The following OCA2 variants were observed in gnomAD, a reference collection of about 807,000 sequenced individuals.
OCA2 encodes the protein P protein.
OCA2 carries 77 observed loss-of-function variants against 100.2 expected under a neutral mutation model. The observed-to-expected ratio is 0.77, with a 90% confidence interval of 0.64 to 0.93. The LOEUF is 0.93. Among genes scored for constraint, OCA2 ranks in the 40% least tolerant of loss-of-function variants. The pLI is 0.00. For missense variants in OCA2, 1,062 were observed against 1,089.1 expected (o/e 0.98, Z 0.35); for synonymous variants, 432 against 439.2 (o/e 0.98, Z 0.21).
chr15:27,931,319 A>G (rs773657470), intron 18 of OCA2, among the ~76,000 whole-genome samples: 2 of 151,800 alleles, frequency 1.3e-5, no homozygotes, highest in African/African-American at 4.8e-5. Context: ...TATTTTATCT[A>G]TTTATTTATT....
chr15:27,816,936 A>C (rs1399837687), intron 23 of OCA2, among the ~76,000 whole-genome samples: 1 of 151,972 alleles, frequency 6.6e-6, no homozygotes. Context: ...GGCTGATCAC[A>C]CCCAGCAGAG....
chr15:27,831,949 C>T (rs964835756), intron 23 of OCA2, among the ~76,000 whole-genome samples: 1 of 152,166 alleles, frequency 6.6e-6, no homozygotes, highest in Non-Finnish European at 1.5e-5. Context: ...CCAGTGCCCG[C>T]TCCCGAGGCC....
At chr15:27,762,692 C>G (rs2030937565) in intron 23 of OCA2, among the ~76,000 whole-genome samples, 1 of 152,170 alleles carries the variant, frequency 6.6e-6, no homozygotes, top group Non-Finnish European at 1.5e-5. Context: ...ATGCACTCCC[C>G]TCAGGGTGTC....
Position 27,926,194 on chromosome 15 carries a change from T to G in OCA2, c.2012A>C (p.Glu671Ala). The G allele has an allele frequency of 6.2e-7, 1 of 1,614,102 alleles. No individual in the cohort carries two copies. The highest frequency in any genetic ancestry group is 1.7e-4 in the Middle Eastern group (1 of 6,058). The change falls in exon 19 of 24, where the codon GAG becomes GCG. Residue 671 changes from glutamate (E) to alanine (A), a missense_variant. Coordinates refer to ENST00000354638, the MANE Select transcript of OCA2 (RefSeq NM_000275.3). ...CCATTCCACTCTGTGTAGAATTATCTCAAAATCATGAATATCAGCTAAAAT... is the reference window on the plus strand; with the variant it reads ...CCATTCCACTCTGTGTAGAATTATCGCAAAATCATGAATATCAGCTAAAAT... Reference protein sequence around the residue: ...LLILADIHDFEIILHRVEWAT... With the variant: ...LLILADIHDFAIILHRVEWAT...
chr15:27,989,710 A>G, intron 10 of OCA2, 44 bp from the exon 11 acceptor site: 2 of 1,566,938 alleles, frequency 1.3e-6, no homozygotes, highest in South Asian at 1.1e-5. Context: ...GTGCGCCGCC[A>G]TCCCAGTGAT....
chr15:27,997,240 G>GAAA (rs2041778813), intron 9 of OCA2, among the ~76,000 whole-genome samples: 3 of 145,422 alleles, frequency 2.1e-5, no homozygotes, highest in Non-Finnish European at 1.5e-5. Flanking sequence ...GAAGGAAGGA[G>GAAA]GAAAGAAAGA....
the OCA2 span, among the ~76,000 whole-genome samples, chr15:27,726,952 AC>A: frequency 2.0e-5 from 3 of 152,218 alleles, no homozygotes; most frequent in Non-Finnish European, 4.4e-5. Flanking sequence ...CAGAAGCTAA[AC>A]CCTGCAGCAT....
chr15:27,728,825 G>A, the OCA2 span, among the ~76,000 whole-genome samples: 3 of 152,200 alleles, frequency 2.0e-5, no homozygotes, highest in Non-Finnish European at 4.4e-5. Flanking sequence ...TCCAGAAAGT[G>A]TAGAGCCATA....
intron 6 of OCA2, 32 bp from the exon 7 acceptor site, chr15:28,018,589 G>C: frequency 6.2e-7 from 1 of 1,607,100 alleles, no homozygotes; most frequent in Non-Finnish European, 8.5e-7. Context: ...CCACAAGGCA[G>C]ACAGGAGAAA....
chr15:27,848,182 C>T (rs769241772), intron 22 of OCA2, among the ~76,000 whole-genome samples: 6 of 152,222 alleles, frequency 3.9e-5, no homozygotes, highest in South Asian at 2.1e-4. Context: ...CTGCCCATCC[C>T]TATGCCAGTC....
intron 1 of OCA2, among the ~76,000 whole-genome samples, chr15:28,095,222 G>A (rs1392175835): frequency 1.3e-5 from 2 of 152,168 alleles, no homozygotes; most frequent in Non-Finnish European, 2.9e-5. Flanking sequence ...GCTCGAGCTG[G>A]CGGATCCCCG....
At chr15:28,095,009 G>A (rs1238319870) in intron 1 of OCA2, among the ~76,000 whole-genome samples, 1 of 152,262 alleles carries the variant, frequency 6.6e-6, no homozygotes, top group Admixed American at 6.5e-5. Context: ...TGGGTCACCT[G>A]CTCGGCCCAA....
chr15:27,960,532 C>T (rs754654176), intron 15 of OCA2, among the ~76,000 whole-genome samples: 15 of 152,150 alleles, frequency 9.9e-5, no homozygotes, highest in Non-Finnish European at 1.8e-4. Flanking sequence ...CCTTAGTAAC[C>T]TTTAACTACA....
chr15:27,900,682 C>T (rs2037893226), intron 19 of OCA2, among the ~76,000 whole-genome samples: 1 of 152,186 alleles, frequency 6.6e-6, no homozygotes, highest in Admixed American at 6.5e-5. Context: ...CAAGGAGAGT[C>T]CCTCTACTGT....
the OCA2 span, among the ~76,000 whole-genome samples, chr15:27,729,209 G>A: frequency 2.0e-5 from 3 of 150,896 alleles, no homozygotes; most frequent in African/African-American, 4.9e-5. Flanking sequence ...CAACTTAAAT[G>A]TTCTCTAAGC....
chr15:28,022,569 A>G lies in OCA2; in HGVS notation c.578T>C (p.Leu193Ser). The G allele has an allele frequency of 1.2e-6, 2 of 1,613,060 alleles. No homozygotes were observed. The highest frequency in any genetic ancestry group is 1.7e-6 in the Non-Finnish European group (2 of 1,179,008). ...LFAFVVLCSI[L>S]FSLYPDQGKL... ...TCCTTGATCCGGATATAGGCTGAAC[A>G]AAATCTGTAACAATCAGAAACGTTG... is the stretch of plus-strand genomic sequence containing the variant. The change falls in exon 6 of 24, where the codon TTG becomes TCG. Residue 193 changes from leucine (L) to serine (S), a missense_variant. By Grantham distance (145) the Leu-to-Ser change is moderately radical (BLOSUM62 -2). Transcript: ENST00000354638.
intron 23 of OCA2, among the ~76,000 whole-genome samples, chr15:27,789,073 A>G (rs1279831493): frequency 1.3e-5 from 2 of 152,060 alleles, no homozygotes; most frequent in East Asian, 1.9e-4. Flanking sequence ...AAGCATATTC[A>G]TGTTACTTTA....
intron 7 of OCA2, among the ~76,000 whole-genome samples, chr15:28,016,504 C>T (rs1053924464): frequency 3.9e-5 from 6 of 152,206 alleles, no homozygotes; most frequent in East Asian, 1.9e-4. Context: ...CATGCCCAGA[C>T]GCGCTGGCTC....
At chr15:27,956,743 G>C (rs1344554215) in intron 16 of OCA2, among the ~76,000 whole-genome samples, 3 of 152,184 alleles carry the variant, frequency 2.0e-5, no homozygotes, top group Non-Finnish European at 4.4e-5. Flanking sequence ...CCCGGACCGG[G>C]GATGAAGCCA....
Sources: gnomAD v4.1 joint callset for allele counts (sites outside exome capture counted in the v4.1 genomes callset) on GRCh38, gnomAD v4.1.1 for gene constraint, MANE v1.5 for transcripts, NCBI Gene and HGNC (gene_info 2026-07-23, HGNC 2026-07-21) for gene names.